The following LPAR1 variants were observed in gnomAD, a reference collection of about 807,000 sequenced individuals.
LPAR1 encodes the protein lysophosphatidic acid receptor 1.
LPAR1 carries 5 observed loss-of-function variants against 23.8 expected under a neutral mutation model. The ratio of observed to expected loss-of-function variants is 0.21; its 90% CI spans 0.11 to 0.44. The LOEUF is 0.44. LPAR1 is among the 20% of genes least tolerant of loss of function. The pLI is 0.99. For synonymous variants in LPAR1, 160 were observed against 164.7 expected, an observed-to-expected ratio of 0.97 and a Z score of 0.22; for missense variants, 311 against 482.8, an observed-to-expected ratio of 0.64 and a Z score of 3.33.
intron 5 of LPAR1, among the ~76,000 whole-genome samples, chr9:110,907,354 A>G (rs2091490267): frequency 6.6e-6 from 1 of 152,192 alleles, no homozygotes; most frequent in African/African-American, 2.4e-5. Flanking sequence ...GTAAAAAGGC[A>G]AGGGGTAATC....
At chr9:111,028,314 C>G (rs1449222356) in intron 2 of LPAR1, among the ~76,000 whole-genome samples, 1 of 152,050 alleles carries the variant, frequency 6.6e-6, no homozygotes, top group East Asian at 1.9e-4. Flanking sequence ...AACTCCTGAC[C>G]TCAAGTGATC....
chr9:110,903,882 CAAAAAAA>C (rs61456167), intron 5 of LPAR1, among the ~76,000 whole-genome samples: 836 of 77,260 alleles, frequency 0.011, 6 homozygotes, highest in Middle Eastern at 0.045. Context: ...AAGTGAATTG[CAAAAAAA>C]AAAAAAAAAA....
intron 4 of LPAR1, among the ~76,000 whole-genome samples, chr9:110,960,438 T>C (rs2095923894): frequency 6.6e-6 from 1 of 152,204 alleles, no homozygotes; most frequent in Non-Finnish European, 1.5e-5. Flanking sequence ...TATCAATTAA[T>C]GGTCTGGGCA....
chr9:110,921,229 T>C (rs1167055325), intron 5 of LPAR1, among the ~76,000 whole-genome samples: 2 of 152,192 alleles, frequency 1.3e-5, no homozygotes, highest in South Asian at 2.1e-4. Flanking sequence ...AGCTGTGATC[T>C]AGCCACTGTA....
chr9:110,976,367 G>A (rs1040225834), intron 2 of LPAR1, among the ~76,000 whole-genome samples: 9 of 151,616 alleles, frequency 5.9e-5, no homozygotes, highest in African/African-American at 2.2e-4. Context: ...TTAGCCAGGC[G>A]TGGCGGCAGG....
intron 5 of LPAR1, among the ~76,000 whole-genome samples, chr9:110,925,990 G>A (rs147843301): frequency 0.019 from 2,927 of 151,998 alleles, 93 homozygotes; most frequent in African/African-American, 0.067. Context: ...GTGCGATCTC[G>A]GCTCACTGCA....
In LPAR1 at chr9:111,004,523, G is replaced by A. The variant is rs954245036; in HGVS notation, c.-181-30965C>T. ...CTTAAGATCACTGACCTCTAAAAAG[G>A]TTCTTTCTCTGTCCTCATCTTACTT... On this transcript the variant is annotated intron_variant, in intron 2 of 5. Transcript: ENST00000683809. Among the ~76,000 whole-genome samples, 43 of 152,200 alleles carry A rather than the reference G, an allele frequency of 2.8e-4. 1 individual carries two copies. Among genetic ancestry groups the A allele is most frequent in the African/African-American group, 1.0e-3 (42 of 41,530 alleles).
intron 2 of LPAR1, among the ~76,000 whole-genome samples, chr9:110,989,385 T>C (rs926494011): frequency 2.0e-5 from 3 of 152,230 alleles, no homozygotes; most frequent in African/African-American, 7.2e-5. Flanking sequence ...TTTAAATGGC[T>C]GGCTTTTATG....
chr9:110,878,064 A>G (rs1279270473), intron 5 of LPAR1, among the ~76,000 whole-genome samples: 1 of 152,160 alleles, frequency 6.6e-6, no homozygotes, highest in African/African-American at 2.4e-5. Flanking sequence ...AGGAGCTTCT[A>G]TGTATGGATG....
At chr9:110,898,018 G>A (rs905971129) in intron 5 of LPAR1, among the ~76,000 whole-genome samples, 1 of 152,150 alleles carries the variant, frequency 6.6e-6, no homozygotes, top group African/African-American at 2.4e-5. Flanking sequence ...TAGAATCATA[G>A]TCTTGACAAG....
At chr9:110,893,954 C>A (rs1259204606) in intron 5 of LPAR1, among the ~76,000 whole-genome samples, 2 of 152,018 alleles carry the variant, frequency 1.3e-5, no homozygotes, top group Admixed American at 1.3e-4. Flanking sequence ...GATAACCAAC[C>A]CTAAATTATT....
chr9:111,011,449 T>C (rs927816309), intron 2 of LPAR1, among the ~76,000 whole-genome samples: 1 of 152,168 alleles, frequency 6.6e-6, no homozygotes, highest in Non-Finnish European at 1.5e-5. Flanking sequence ...CTCTCTCAAA[T>C]GTAGTTCAGA....
At chr9:110,999,906 T>C (rs2097097127) in intron 2 of LPAR1, among the ~76,000 whole-genome samples, 1 of 152,074 alleles carries the variant, frequency 6.6e-6, no homozygotes, top group African/African-American at 2.4e-5. Context: ...AGACACAGGG[T>C]CTTGCTGTGT....
At chr9:110,929,342 C>A (rs2094244288) in intron 5 of LPAR1, among the ~76,000 whole-genome samples, 1 of 151,906 alleles carries the variant, frequency 6.6e-6, no homozygotes, top group South Asian at 2.1e-4. Flanking sequence ...ATCAAAGGTA[C>A]CAACAGAAGA....
At chr9:110,892,172 GT>G (rs1282159659) in intron 5 of LPAR1, among the ~76,000 whole-genome samples, 18 of 152,274 alleles carry the variant, frequency 1.2e-4, no homozygotes, top group African/African-American at 4.3e-4. Flanking sequence ...ATATACAGTA[GT>G]ATTTCCAATC....
At chr9:110,892,767 GGGAAGGAAGGAAGGAAGGAAGGAAGGAA>G (rs757546909) in intron 5 of LPAR1, among the ~76,000 whole-genome samples, 10 of 97,356 alleles carry the variant, frequency 1.0e-4, no homozygotes, top group Non-Finnish European at 1.7e-4. Flanking sequence ...AGGGGAGGAA[GGGAAGGAAGGAAGGAAGGAAGGAAGGAA>G]GGAAGGAAGG....
chr9:110,926,911 C>T (rs990132438), intron 5 of LPAR1, among the ~76,000 whole-genome samples: 5 of 152,196 alleles, frequency 3.3e-5, no homozygotes, highest in African/African-American at 1.2e-4. Context: ...ACTCCTCACA[C>T]GGTCATTGTT....
chr9:111,031,552 C>T (rs887104691), intron 2 of LPAR1, among the ~76,000 whole-genome samples: 4 of 151,988 alleles, frequency 2.6e-5, no homozygotes, highest in Admixed American at 6.6e-5. Context: ...TCAAAGCTGC[C>T]GTGAGCCAGG....
chr9:110,983,845 A>G (rs2096724920), intron 2 of LPAR1, among the ~76,000 whole-genome samples: 1 of 152,072 alleles, frequency 6.6e-6, no homozygotes, highest in Non-Finnish European at 1.5e-5. Flanking sequence ...TCACCCCAAC[A>G]AATAAGATGA....
Sources: allele counts gnomAD v4.1 joint callset (sites outside exome capture counted in the v4.1 genomes callset), GRCh38; gene constraint gnomAD v4.1.1; transcripts MANE v1.5; gene names NCBI Gene and HGNC (gene_info 2026-07-23, HGNC 2026-07-21).